The following SFXN1 variants were observed in gnomAD, a reference collection of about 807,000 sequenced individuals.
SFXN1 encodes the protein sideroflexin 1.
Under a neutral mutation model 39.5 loss-of-function variants are expected in SFXN1, and 32 were observed. That is an observed-to-expected ratio of 0.81 (90% CI 0.61 to 1.09). SFXN1 has a LOEUF of 1.09. Ranked by LOEUF, SFXN1 falls within the 50% of genes least tolerant of loss-of-function variation. The pLI, the probability that SFXN1 is intolerant of heterozygous loss-of-function variation, is 0.00. For missense variants in SFXN1, 402 were observed against 407.1 expected (o/e 0.99, Z 0.11); for synonymous variants, 136 against 146.5 (o/e 0.93, Z 0.52).
chr5:175,514,398 C>T (rs1465147599), intron 7 of SFXN1, among the ~76,000 whole-genome samples: 1 of 152,108 alleles, frequency 6.6e-6, no homozygotes, highest in Non-Finnish European at 1.5e-5. Flanking sequence ...ATCTCTAGTC[C>T]ACCCTAAGGC....
In SFXN1 at chr5:175,512,109, A is replaced by G; in HGVS notation, c.511-2A>G. 6.2e-7 allele frequency: 1 copy of G among 1,613,878 alleles called. No individual in the cohort carries two copies. Among genetic ancestry groups the G allele is most frequent in the Non-Finnish European group, 8.5e-7 (1 of 1,179,894 alleles). ...AAGCTCTTGAAATTTTCTCCTCTGCAGCATGTCTCACCACTGATAGGACGT... is the reference window on the plus strand; with the variant it reads ...AAGCTCTTGAAATTTTCTCCTCTGCGGCATGTCTCACCACTGATAGGACGT... On this transcript the variant is annotated splice_acceptor_variant, in intron 5 of 10. Transcript: ENST00000321442. LOFTEE classifies it high-confidence loss of function.
chr5:175,516,466 A>T, intron 7 of SFXN1, 148 bp from the exon 8 acceptor site: 1 of 638,336 alleles, frequency 1.6e-6, no homozygotes, highest in Non-Finnish European at 2.7e-6. Flanking sequence ...CAAATGTAAT[A>T]ATTTAAAGAA....
At chr5:175,513,637 C>A in intron 7 of SFXN1, 47 bp downstream of exon 7, 1 of 1,597,192 alleles carries the variant, frequency 6.3e-7, no homozygotes. Context: ...GTTGAACCAG[C>A]GTTCACGGAT....
At chr5:175,508,700 C>T (rs779931253) in intron 2 of SFXN1, among the ~76,000 whole-genome samples, 2 of 151,828 alleles carry the variant, frequency 1.3e-5, no homozygotes, top group Non-Finnish European at 2.9e-5. Context: ...TGCAATGGTG[C>T]GATCTTGGCT....
intron 4 of SFXN1, among the ~76,000 whole-genome samples, chr5:175,510,913 T>C (rs1760487724): frequency 2.0e-5 from 3 of 152,230 alleles, no homozygotes; most frequent in Non-Finnish European, 4.4e-5. Context: ...GTGGTGTTTA[T>C]TGCAATTAAA....
At chr5:175,511,921 G>A (rs1364262807) in intron 5 of SFXN1, among the ~76,000 whole-genome samples, 190 bp from the exon 6 acceptor site, 1 of 152,128 alleles carries the variant, frequency 6.6e-6, no homozygotes, top group Non-Finnish European at 1.5e-5. Flanking sequence ...TTAGAAGCTT[G>A]CATGGTCCCA....
intron 10 of SFXN1, among the ~76,000 whole-genome samples, chr5:175,524,492 T>A (rs1354049144): frequency 6.6e-6 from 1 of 152,094 alleles, no homozygotes; most frequent in Non-Finnish European, 1.5e-5. Flanking sequence ...GAACAAGTGA[T>A]AATGAAAACA....
intron 2 of SFXN1, among the ~76,000 whole-genome samples, chr5:175,495,903 C>CTT (rs374528443): frequency 7.1e-6 from 1 of 141,088 alleles, no homozygotes; most frequent in Non-Finnish European, 1.6e-5. Context: ...TTAAAAGTGG[C>CTT]TTTTTTTTTT....
rs1761140354 is a variant in SFXN1, at chr5:175,528,460, C to T, written c.*1726C>T. On this transcript the variant is annotated 3_prime_UTR_variant, in exon 11 of 11. Coordinates refer to ENST00000321442, the MANE Select transcript of SFXN1 (RefSeq NM_022754.7). ...GGAGGGCGGTCCTGGAACCAAGCAT[C>T]CACGGATACTGAGGGGTGACATTTC... is the stretch of plus-strand genomic sequence containing the variant. 1 of 152,012 alleles carries T rather than the reference C, an allele frequency of 6.6e-6. No individual in the cohort carries two copies. The highest frequency in any genetic ancestry group is 1.5e-5 in the Non-Finnish European group (1 of 68,010). The allele number at this position is 152,012 out of a possible 1,614,324, so 9.4% of individuals were successfully genotyped here. A position where few individuals can be genotyped will look rare whatever the true frequency, so the allele number is the denominator to read the frequency against.
At chr5:175,480,140 G>A (rs957136078) in intron 1 of SFXN1, among the ~76,000 whole-genome samples, 7 of 152,114 alleles carry the variant, frequency 4.6e-5, no homozygotes, top group Admixed American at 3.9e-4. Flanking sequence ...GGTGGCTCAC[G>A]CCTGTAATCC....
chr5:175,490,470 G>A (rs1759615176), intron 1 of SFXN1, among the ~76,000 whole-genome samples: 1 of 152,144 alleles, frequency 6.6e-6, no homozygotes, highest in Non-Finnish European at 1.5e-5. Context: ...TGGAGATTTT[G>A]AGAAAGTATA....
At chr5:175,502,340 G>C (rs1027462560) in intron 2 of SFXN1, among the ~76,000 whole-genome samples, 1 of 152,116 alleles carries the variant, frequency 6.6e-6, no homozygotes, top group Admixed American at 6.6e-5. Flanking sequence ...GGGGTCTTGG[G>C]GGGTGTTATC....
chr5:175,496,358 G>A (rs35499915), intron 2 of SFXN1, among the ~76,000 whole-genome samples: 41,674 of 151,180 alleles, frequency 0.28, 6,013 homozygotes, highest in South Asian at 0.44. Context: ...GGGCAACAGA[G>A]TGAGACTCCA....
chr5:175,524,180 A>C (rs1760990254), intron 10 of SFXN1: 1 of 136,836 alleles, frequency 7.3e-6, no homozygotes, highest in Admixed American at 7.8e-5. Context: ...ATCTCCAATA[A>C]GTTACATCTT....
chr5:175,518,178 C>T (rs1373822793), intron 8 of SFXN1, among the ~76,000 whole-genome samples: 1 of 152,078 alleles, frequency 6.6e-6, no homozygotes, highest in African/African-American at 2.4e-5. Flanking sequence ...AAGAATAGTT[C>T]CTGTTGTCTC....
chr5:175,521,106 T>A (rs1000187095), intron 8 of SFXN1, among the ~76,000 whole-genome samples: 2 of 152,144 alleles, frequency 1.3e-5, no homozygotes, highest in African/African-American at 4.8e-5. Flanking sequence ...GCTCACACCT[T>A]GGTTGCAGTG....
chr5:175,501,512 C>G (rs1760084096), intron 2 of SFXN1, among the ~76,000 whole-genome samples: 1 of 151,882 alleles, frequency 6.6e-6, no homozygotes, highest in Non-Finnish European at 1.5e-5. Flanking sequence ...AATAAAAATG[C>G]AATTCACAGA....
intron 2 of SFXN1, among the ~76,000 whole-genome samples, chr5:175,496,616 A>G (rs1485203836): frequency 6.6e-6 from 1 of 152,210 alleles, no homozygotes; most frequent in Admixed American, 6.5e-5. Flanking sequence ...AACAAATTAA[A>G]AATTTTAAAA....
intron 7 of SFXN1, among the ~76,000 whole-genome samples, chr5:175,515,770 A>G (rs1561673238): frequency 6.6e-6 from 1 of 152,208 alleles, no homozygotes; most frequent in Non-Finnish European, 1.5e-5. Flanking sequence ...GGATGGTTTC[A>G]GGATGATTCA....
Sources: allele counts gnomAD v4.1 joint callset (sites outside exome capture counted in the v4.1 genomes callset), GRCh38; gene constraint gnomAD v4.1.1; transcripts MANE v1.5; gene names NCBI Gene and HGNC (gene_info 2026-07-23, HGNC 2026-07-21).